Variants in OPCML observed in about 807,000 individuals in gnomAD.
The protein encoded by OPCML is opioid binding protein/cell adhesion molecule like, also known as opioid-binding protein/cell adhesion molecule.
A neutral mutation model predicts 37.8 loss-of-function variants in OPCML; 13 were observed. The ratio of observed to expected loss-of-function variants is 0.34; its 90% CI spans 0.22 to 0.55. The LOEUF (loss-of-function observed/expected upper bound fraction) is 0.55, where lower values mean the gene tolerates loss of function less well. Among genes scored for constraint, OPCML ranks in the 20% least tolerant of loss-of-function variants. The probability of loss-of-function intolerance (pLI) is 0.91; values close to 1 mark genes in which losing one functional copy is unlikely to be tolerated. For missense variants in OPCML, 341 were observed against 435.6 expected, an observed-to-expected ratio of 0.78 and a Z score of 1.93; for synonymous variants, 176 against 168.8, an observed-to-expected ratio of 1.04 and a Z score of -0.33.
intron 2 of OPCML, among the ~76,000 whole-genome samples, chr11:132,716,146 C>A (rs182285294): frequency 7.9e-5 from 12 of 152,294 alleles, no homozygotes; most frequent in Admixed American, 7.8e-4. Context: ...GCCTGGAGGT[C>A]TGCACTGTGG....
intron 1 of OPCML, among the ~76,000 whole-genome samples, chr11:133,147,403 T>C (rs1949912507): frequency 1.3e-5 from 2 of 151,980 alleles, no homozygotes; most frequent in Admixed American, 1.3e-4. Flanking sequence ...AGATCTGGCA[T>C]CTGGGAGGTG....
chr11:132,774,066 CT>C, intron 2 of OPCML, among the ~76,000 whole-genome samples: 1 of 152,314 alleles, frequency 6.6e-6, no homozygotes, highest in East Asian at 1.9e-4. Flanking sequence ...ACAACACAGC[CT>C]GTCTGGGAAG....
intron 1 of OPCML, among the ~76,000 whole-genome samples, chr11:133,082,301 G>T (rs888664612): frequency 6.6e-6 from 1 of 151,452 alleles, no homozygotes; most frequent in East Asian, 2.0e-4. Context: ...TAGGCGAGCC[G>T]GGCTCCACCC....
chr11:132,625,370 T>G (rs1939675834), intron 3 of OPCML, among the ~76,000 whole-genome samples: 1 of 152,056 alleles, frequency 6.6e-6, no homozygotes, highest in Non-Finnish European at 1.5e-5. Context: ...ATGATCTGAG[T>G]GGGGCTTGTT....
intron 3 of OPCML, among the ~76,000 whole-genome samples, chr11:132,634,307 G>A (rs1032855637): frequency 1.3e-5 from 2 of 152,176 alleles, no homozygotes; most frequent in African/African-American, 4.8e-5. Flanking sequence ...TAGCTATTGA[G>A]TATGTAAGCA....
intron 1 of OPCML, among the ~76,000 whole-genome samples, chr11:133,167,030 C>T (rs1320125214): frequency 6.6e-6 from 1 of 152,042 alleles, no homozygotes; most frequent in Non-Finnish European, 1.5e-5. Context: ...AATATCAGTG[C>T]CTAGAAGTAG....
At chr11:133,070,460 T>C (rs1289187756) in intron 1 of OPCML, among the ~76,000 whole-genome samples, 3 of 152,078 alleles carry the variant, frequency 2.0e-5, no homozygotes, top group Non-Finnish European at 2.9e-5. Context: ...TGGGAGAAAG[T>C]GAATGCTGAC....
rs192992429 is a variant in OPCML, at chr11:133,100,892, C to T, written c.62-157882G>A. ...GATAACAAAGGAGAAGCCTAGATGA[C>T]CTTGGATACAACAATGTGTTATTTT... On this transcript the variant is annotated intron_variant, in intron 1 of 7. Coordinates refer to ENST00000524381, the MANE Select transcript of OPCML (RefSeq NM_001012393.5). Among the ~76,000 whole-genome samples the T allele has an allele frequency of 1.9e-3, 283 of 152,250 alleles. 1 individual carries two copies. Among genetic ancestry groups the T allele is most frequent in the Non-Finnish European group, 3.1e-3 (211 of 68,006 alleles).
chr11:132,667,197 T>A (rs1279550061), intron 2 of OPCML, among the ~76,000 whole-genome samples: 1 of 152,232 alleles, frequency 6.6e-6, no homozygotes, highest in East Asian at 1.9e-4. Context: ...TTGTTGTTGC[T>A]TATTTGTTTT....
At chr11:132,930,589 A>G (rs1444260243) in intron 2 of OPCML, among the ~76,000 whole-genome samples, 1 of 152,192 alleles carries the variant, frequency 6.6e-6, no homozygotes. Flanking sequence ...ATCTGAAAAC[A>G]TAAAAAAAAT....
intron 2 of OPCML, among the ~76,000 whole-genome samples, chr11:132,792,018 C>T (rs1164938601): frequency 5.3e-5 from 8 of 152,256 alleles, no homozygotes; most frequent in Non-Finnish European, 1.2e-4. Context: ...GACCTTGATT[C>T]TGCATCCAAA....
At chr11:132,622,762 T>G (rs914114771) in intron 3 of OPCML, among the ~76,000 whole-genome samples, 1 of 152,202 alleles carries the variant, frequency 6.6e-6, no homozygotes, top group African/African-American at 2.4e-5. Flanking sequence ...CACATTGCGC[T>G]TTGGAGGCTG....
chr11:132,594,091 A>G (rs947584125), intron 3 of OPCML, among the ~76,000 whole-genome samples: 3 of 152,190 alleles, frequency 2.0e-5, no homozygotes, highest in Admixed American at 2.0e-4. Context: ...GTGCTTAGCT[A>G]TGATTTTGTT....
At chr11:132,586,561 G>A (rs114899304) in intron 3 of OPCML, among the ~76,000 whole-genome samples, 29 of 152,284 alleles carry the variant, frequency 1.9e-4, no homozygotes, top group African/African-American at 7.0e-4. Context: ...GTATACTCCT[G>A]GGATGAACAA....
At chr11:132,585,634 G>C (rs1431536393) in intron 3 of OPCML, among the ~76,000 whole-genome samples, 1 of 152,110 alleles carries the variant, frequency 6.6e-6, no homozygotes, top group African/African-American at 2.4e-5. Flanking sequence ...TGTCACTAAG[G>C]ATGGGTCAAA....
chr11:133,297,392 A>G (rs1942656865), intron 1 of OPCML: 1 of 152,214 alleles, frequency 6.6e-6, no homozygotes, highest in Non-Finnish European at 1.5e-5. Flanking sequence ...TGCAAAGGCC[A>G]TGCACCCTGC....
chr11:132,837,957 G>A (rs189893914), intron 2 of OPCML, among the ~76,000 whole-genome samples: 2 of 152,334 alleles, frequency 1.3e-5, no homozygotes, highest in East Asian at 1.9e-4. Flanking sequence ...CCGCTGTCAC[G>A]TCATCCTAGT....
At chr11:133,341,886 C>T (rs1167258671) in intron 1 of OPCML, among the ~76,000 whole-genome samples, 2 of 152,004 alleles carry the variant, frequency 1.3e-5, no homozygotes, top group Non-Finnish European at 1.5e-5. Flanking sequence ...CCATTGCACT[C>T]CAGCCTGGGC....
chr11:132,470,434 G>C (rs1009215440), intron 4 of OPCML, among the ~76,000 whole-genome samples: 2 of 152,256 alleles, frequency 1.3e-5, no homozygotes, highest in South Asian at 2.1e-4. Context: ...GAGTGAATTA[G>C]GGCAGAAACT....
Sources: allele counts gnomAD v4.1 joint callset (sites outside exome capture counted in the v4.1 genomes callset), GRCh38; gene constraint gnomAD v4.1.1; transcripts MANE v1.5; gene names NCBI Gene and HGNC (gene_info 2026-07-23, HGNC 2026-07-21).